The following EML4 variants were observed in gnomAD, a reference collection of about 807,000 sequenced individuals.
EML4 encodes EMAP like 4, also known as echinoderm microtubule-associated protein-like 4.
EML4 carries 72 observed loss-of-function variants against 129.0 expected under a neutral mutation model. The ratio of observed to expected loss-of-function variants is 0.56; its 90% CI spans 0.46 to 0.68. The LOEUF (loss-of-function observed/expected upper bound fraction) is 0.68. Among genes scored for constraint, EML4 ranks in the 30% least tolerant of loss-of-function variants. The pLI, the probability that EML4 is intolerant of heterozygous loss-of-function variation, is 0.00. For missense variants in EML4, 1,363 were observed against 1,190.6 expected, an observed-to-expected ratio of 1.14 and a Z score of -2.13; for synonymous variants, 532 against 405.0, an observed-to-expected ratio of 1.31 and a Z score of -3.77.
chr2:42,293,002 A>G (rs535050844), intron 11 of EML4, among the ~76,000 whole-genome samples: 51 of 152,338 alleles, frequency 3.3e-4, no homozygotes, highest in African/African-American at 1.1e-3. Context: ...TGTTCAGTCA[A>G]TCTTTAAACT....
intron 2 of EML4, among the ~76,000 whole-genome samples, chr2:42,252,426 T>C (rs918537397): frequency 2.0e-5 from 3 of 152,234 alleles, no homozygotes; most frequent in Non-Finnish European, 2.9e-5. Flanking sequence ...CACCATCTTA[T>C]TCTCAGACCA....
rs1670150186 is a variant in EML4, at chr2:42,332,406, G to GTT, written c.*2203_*2204dup. On this transcript the variant is annotated 3_prime_UTR_variant, in exon 23 of 23. Coordinates refer to ENST00000318522, the MANE Select transcript of EML4 (RefSeq NM_019063.5). ...TGGGTGGGGTTATGAAATTGTAGATGTTTTTAGAAAAACTTGTGAATGAAA... is the reference window on the plus strand; with the variant it reads ...TGGGTGGGGTTATGAAATTGTAGATGTTTTTTTAGAAAAACTTGTGAATGAAA... 1 of 207,014 alleles carries GTT rather than the reference G, an allele frequency of 4.8e-6. No individual in the cohort carries two copies. Among genetic ancestry groups the GTT allele is most frequent in the East Asian group, 7.3e-5 (1 of 13,646 alleles). The allele number at this position is 207,014 out of a possible 1,614,324, so 12.8% of individuals were successfully genotyped here. A position where few individuals can be genotyped will look rare whatever the true frequency, so the allele number is the denominator to read the frequency against.
At chr2:42,174,824 T>C (rs188279455) in intron 1 of EML4, among the ~76,000 whole-genome samples, 50 of 152,142 alleles carry the variant, frequency 3.3e-4, no homozygotes, top group Non-Finnish European at 6.0e-4. Flanking sequence ...TTTTTTTGTT[T>C]GTTTGTTTTT....
At chr2:42,287,647 C>T (rs1168317861) in intron 10 of EML4, among the ~76,000 whole-genome samples, 2 of 151,918 alleles carry the variant, frequency 1.3e-5, no homozygotes, top group South Asian at 4.1e-4. Flanking sequence ...ACTTAAAATA[C>T]GTGAATGAGA....
chr2:42,211,216 T>C (rs1672867061), intron 1 of EML4, among the ~76,000 whole-genome samples: 1 of 152,200 alleles, frequency 6.6e-6, no homozygotes, highest in Non-Finnish European at 1.5e-5. Context: ...TTGGACTTTG[T>C]TAAGTCTGTA....
intron 1 of EML4, among the ~76,000 whole-genome samples, chr2:42,206,414 C>G (rs1672541399): frequency 6.6e-6 from 1 of 152,164 alleles, no homozygotes; most frequent in East Asian, 1.9e-4. Context: ...TGGGATTTCA[C>G]TGTCTTGCCC....
At chr2:42,170,735 G>GT (rs1252514359) in intron 1 of EML4, among the ~76,000 whole-genome samples, 1 of 152,200 alleles carries the variant, frequency 6.6e-6, no homozygotes, top group Non-Finnish European at 1.5e-5. Flanking sequence ...TGTATTTTGA[G>GT]TTTTTTATGT....
intron 17 of EML4, 102 bp downstream of exon 17, chr2:42,304,653 C>A: frequency 3.4e-6 from 3 of 874,220 alleles, no homozygotes; most frequent in Non-Finnish European, 3.9e-6. Context: ...TCTTAAGTGG[C>A]ACACTAATAT....
chr2:42,329,661 T>TC, intron 22 of EML4, 73 bp from the exon 23 acceptor site: 1 of 1,281,410 alleles, frequency 7.8e-7, no homozygotes, highest in East Asian at 2.3e-5. Flanking sequence ...CCCTTACGTA[T>TC]CACCTCCATT....
chr2:42,232,409 G>T (rs56267702), intron 1 of EML4, among the ~76,000 whole-genome samples: 4,848 of 152,258 alleles, frequency 0.032, 245 homozygotes, highest in African/African-American at 0.1. Context: ...TTGTAAAGAA[G>T]AGTATAGTTG....
At chr2:42,186,442 A>C (rs1671253858) in intron 1 of EML4, among the ~76,000 whole-genome samples, 1 of 152,224 alleles carries the variant, frequency 6.6e-6, no homozygotes, top group Admixed American at 6.5e-5. Context: ...GAAAAACAAC[A>C]GATAAGATAA....
At chr2:42,171,144 C>T (rs191873374) in intron 1 of EML4, among the ~76,000 whole-genome samples, 2 of 152,210 alleles carry the variant, frequency 1.3e-5, no homozygotes, top group African/African-American at 2.4e-5. Context: ...GAGAGACATC[C>T]ATTTTTCCCT....
intron 19 of EML4, among the ~76,000 whole-genome samples, chr2:42,323,410 A>G (rs1669622625): frequency 6.6e-6 from 1 of 152,190 alleles, no homozygotes. Context: ...GTGTTTTCCA[A>G]TATACCGCTT....
intron 19 of EML4, among the ~76,000 whole-genome samples, chr2:42,323,701 G>C (rs1001067155): frequency 6.7e-6 from 1 of 150,016 alleles, no homozygotes; most frequent in Non-Finnish European, 1.5e-5. Flanking sequence ...TGGGAGGCTG[G>C]GGCAAGTGGA....
chr2:42,252,546 A>T (rs1675848217), intron 2 of EML4, among the ~76,000 whole-genome samples: 1 of 152,048 alleles, frequency 6.6e-6, no homozygotes, highest in South Asian at 2.1e-4. Flanking sequence ...TTCTTTATAG[A>T]TAAAGTCTGC....
chr2:42,273,556 T>C (rs1666490629), intron 6 of EML4, among the ~76,000 whole-genome samples: 1 of 152,176 alleles, frequency 6.6e-6, no homozygotes, highest in Non-Finnish European at 1.5e-5. Context: ...ATCTAAGCTC[T>C]TAAGAGGTTA....
intron 1 of EML4, among the ~76,000 whole-genome samples, chr2:42,197,944 G>C (rs930953176): frequency 3.3e-5 from 5 of 152,184 alleles, no homozygotes; most frequent in Admixed American, 3.3e-4. Context: ...GGGCTCCAGA[G>C]TCACAGTGCC....
intron 1 of EML4, among the ~76,000 whole-genome samples, chr2:42,213,216 G>C (rs1672981450): frequency 6.6e-6 from 1 of 152,046 alleles, no homozygotes; most frequent in Non-Finnish European, 1.5e-5. Flanking sequence ...AACATTACCA[G>C]AATCCCAGAA....
At chr2:42,285,150 C>T (rs1667220231) in intron 9 of EML4, among the ~76,000 whole-genome samples, 1 of 152,066 alleles carries the variant, frequency 6.6e-6, no homozygotes, top group South Asian at 2.1e-4. Flanking sequence ...CTCAAGTGAT[C>T]CTCCAGCCTT....
Sources: gnomAD v4.1 joint callset for allele counts (sites outside exome capture counted in the v4.1 genomes callset) on GRCh38, gnomAD v4.1.1 for gene constraint, MANE v1.5 for transcripts, NCBI Gene and HGNC (gene_info 2026-07-23, HGNC 2026-07-21) for gene names.